Variants in ZDHHC11B observed in about 807,000 individuals in gnomAD.
ZDHHC11B encodes the protein zDHHC palmitoyltransferase 11B (putative).
In ZDHHC11B, 17 loss-of-function variants were observed where a neutral mutation model predicts 42.3. The ratio of observed to expected loss-of-function variants is 0.40; its 90% confidence interval spans 0.27 to 0.60. ZDHHC11B has a LOEUF of 0.60. Among genes scored for constraint, ZDHHC11B ranks in the 20% least tolerant of loss-of-function variants. The pLI, the probability that ZDHHC11B is intolerant of heterozygous loss-of-function variation, is 0.41. For synonymous variants in ZDHHC11B, 123 were observed against 193.5 expected, an observed-to-expected ratio of 0.64 and a Z score of 3.02; for missense variants, 262 against 463.2, an observed-to-expected ratio of 0.57 and a Z score of 3.99.
At chr5:769,920 C>T (rs1311121949) in intron 1 of ZDHHC11B, among the ~76,000 whole-genome samples, 1 of 151,920 alleles carries the variant, frequency 6.6e-6, no homozygotes, top group Admixed American at 6.6e-5. Context: ...GGCTCGAGTC[C>T]CGCTGCTCCC....
intron 10 of ZDHHC11B, among the ~76,000 whole-genome samples, chr5:734,243 A>G (rs1224950113): frequency 8.1e-6 from 1 of 123,546 alleles, no homozygotes; most frequent in Non-Finnish European, 1.7e-5. Flanking sequence ...AGGAACCACC[A>G]CAGCAGCATA....
At chr5:777,137 C>T (rs1040858899) in intron 1 of ZDHHC11B, among the ~76,000 whole-genome samples, 2 of 151,912 alleles carry the variant, frequency 1.3e-5, no homozygotes, top group Admixed American at 1.3e-4. Flanking sequence ...GAGTTTCTTC[C>T]TTCAGATGTT....
At chr5:749,550 C>T (rs1356037563) in intron 7 of ZDHHC11B, among the ~76,000 whole-genome samples, 3 of 129,908 alleles carry the variant, frequency 2.3e-5, no homozygotes, top group African/African-American at 2.5e-5. Flanking sequence ...AGTGACATCA[C>T]GATGAGTTCA....
At chr5:761,063 G>A (rs7701664) in intron 4 of ZDHHC11B, among the ~76,000 whole-genome samples, 1,935 of 151,482 alleles carry the variant, frequency 0.013, 73 homozygotes, top group African/African-American at 0.044. Context: ...AAGAGACTCC[G>A]TCGCAACATG....
intron 4 of ZDHHC11B, among the ~76,000 whole-genome samples, chr5:759,571 C>T (rs1301826328): frequency 6.6e-6 from 1 of 151,990 alleles, no homozygotes; most frequent in Non-Finnish European, 1.5e-5. Flanking sequence ...ACACAACAGG[C>T]CCTACAGACG....
intron 1 of ZDHHC11B, among the ~76,000 whole-genome samples, chr5:780,755 G>A (rs1431725043): frequency 2.0e-5 from 3 of 151,594 alleles, no homozygotes; most frequent in African/African-American, 7.3e-5. Context: ...AGGTGAGGCT[G>A]AGATGAGCTT....
intron 12 of ZDHHC11B, among the ~76,000 whole-genome samples, chr5:720,580 CAAAGAAATAAAGAACATTGGT>C (rs1742108328): frequency 6.6e-6 from 1 of 151,746 alleles, no homozygotes; most frequent in South Asian, 2.1e-4. Context: ...CAAAACCATA[CAAAGAAATAAAGAACATTGGT>C]AAAGAAATAA....
At chr5:737,560 C>G (rs764891368) in intron 10 of ZDHHC11B, among the ~76,000 whole-genome samples, 1 of 149,452 alleles carries the variant, frequency 6.7e-6, no homozygotes, top group Non-Finnish European at 1.5e-5. Flanking sequence ...CAACAAAATA[C>G]TAGCGAACCG....
At chr5:718,385 G>A (rs1308005709) in intron 12 of ZDHHC11B, among the ~76,000 whole-genome samples, 1 of 151,716 alleles carries the variant, frequency 6.6e-6, no homozygotes, top group Non-Finnish European at 1.5e-5. Flanking sequence ...GAAGAAAGGA[G>A]AAGCTGGGCT....
intron 3 of ZDHHC11B, 122 bp from the exon 4 acceptor site, chr5:767,041 G>T: frequency 8.0e-7 from 1 of 1,253,834 alleles, no homozygotes; most frequent in South Asian, 1.4e-5. Context: ...GACAGCCAAT[G>T]GCCCAGCATT....
intron 4 of ZDHHC11B, among the ~76,000 whole-genome samples, chr5:762,839 C>T (rs1396910860): frequency 1.3e-5 from 2 of 151,196 alleles, no homozygotes; most frequent in African/African-American, 4.9e-5. Flanking sequence ...TAAAAACAGG[C>T]AAACAATAGA....
intron 6 of ZDHHC11B, among the ~76,000 whole-genome samples, chr5:753,817 A>ACC (rs70955299): frequency 1.0e-4 from 15 of 145,274 alleles, no homozygotes; most frequent in Non-Finnish European, 2.3e-4. Flanking sequence ...CAGGGCAGGG[A>ACC]CCCCCCGGTG....
At chr5:735,930 C>T (rs1743464054) in intron 10 of ZDHHC11B, among the ~76,000 whole-genome samples, 1 of 148,472 alleles carries the variant, frequency 6.7e-6, no homozygotes, top group African/African-American at 2.5e-5. Flanking sequence ...GGTATTCAGG[C>T]AACAACTAGC....
chr5:715,193 G>A (rs1050521749), intron 13 of ZDHHC11B, among the ~76,000 whole-genome samples: 2 of 150,812 alleles, frequency 1.3e-5, no homozygotes, highest in African/African-American at 2.5e-5. Context: ...GTCCATCACT[G>A]TTAGTCACTG....
chr5:711,415 GCTGTGCTCCCAATTCCCAGTA>G lies in ZDHHC11B; in HGVS notation c.*854_*874del, dbSNP rs1469582979. The G allele has an allele frequency of 3.0e-5, 4 of 133,804 alleles. No individual in the cohort carries two copies. The highest frequency in any genetic ancestry group is 4.8e-5 in the Non-Finnish European group (3 of 62,512). The allele number at this position is 133,804 out of a possible 1,614,324, so 8.3% of individuals were successfully genotyped here. A position where few individuals can be genotyped will look rare whatever the true frequency, so the allele number is the denominator to read the frequency against. ...TAGTACTGTGCTCCCATTTCCCAGT[GCTGTGCTCCCAATTCCCAGTA>G]CTGTGCTCCCATTTCCCAGTGCTGT... On this transcript the variant is annotated 3_prime_UTR_variant, in exon 14 of 14. Transcript: ENST00000508859.
intron 12 of ZDHHC11B, among the ~76,000 whole-genome samples, chr5:725,249 G>A (rs1266044412): frequency 2.0e-4 from 29 of 143,004 alleles, no homozygotes; most frequent in African/African-American, 7.6e-4. Context: ...GGATCTGCCG[G>A]CGCCTTGAGC....
chr5:784,514 T>C (rs1204603783), intron 1 of ZDHHC11B, among the ~76,000 whole-genome samples, 154 bp downstream of exon 1: 1 of 152,206 alleles, frequency 6.6e-6, no homozygotes, highest in Non-Finnish European at 1.5e-5. Context: ...ATCCGGGGGC[T>C]CAGGGACGCG....
intron 13 of ZDHHC11B, among the ~76,000 whole-genome samples, chr5:713,049 C>T (rs1741487515): frequency 6.6e-6 from 1 of 150,890 alleles, no homozygotes; most frequent in African/African-American, 2.4e-5. Flanking sequence ...TGTCTTCTAA[C>T]AATGTTGGCA....
intron 13 of ZDHHC11B, among the ~76,000 whole-genome samples, chr5:714,745 C>T (rs1741621523): frequency 7.4e-6 from 1 of 135,330 alleles, no homozygotes; most frequent in South Asian, 2.5e-4. Context: ...TTGCTCTTTG[C>T]TGTGGTTTGG....
Sources: allele counts gnomAD v4.1 joint callset (sites outside exome capture counted in the v4.1 genomes callset), GRCh38; gene constraint gnomAD v4.1.1; transcripts MANE v1.5; gene names NCBI Gene and HGNC (gene_info 2026-07-23, HGNC 2026-07-21).